GRM7: variants seen among roughly 807,000 people sequenced by gnomAD.
The protein encoded by GRM7 is glutamate metabotropic receptor 7.
In GRM7, 35 loss-of-function variants were observed where a neutral mutation model predicts 84.5. That is an observed-to-expected ratio of 0.41 (90% CI 0.32 to 0.55). The LOEUF (loss-of-function observed/expected upper bound fraction) is 0.55. GRM7 is among the 20% of genes least tolerant of loss of function. The probability of loss-of-function intolerance (pLI) is 0.19; values close to 1 mark genes in which losing one functional copy is unlikely to be tolerated. For synonymous variants in GRM7, 487 were observed against 455.1 expected, an observed-to-expected ratio of 1.07 and a Z score of -0.89; for missense variants, 1,003 against 1,194.6, an observed-to-expected ratio of 0.84 and a Z score of 2.36.
intron 5 of GRM7, among the ~76,000 whole-genome samples, chr3:7,438,139 C>T (rs1157388357): frequency 6.6e-6 from 1 of 151,792 alleles, no homozygotes; most frequent in Non-Finnish European, 1.5e-5. Context: ...AGTGGCATGG[C>T]CTAGTTTGCA....
At position 7,505,162 on chromosome 3, in the gene GRM7, G is replaced by C. The variant is rs1384560758; in HGVS notation, c.1515+43440G>C. The stretch of plus-strand genomic sequence containing the variant: ...AACAATATTATTCATTGAAGCTTCA[G>C]AATGATTTTTCACTCTGTGTTGCCT... On this transcript the variant is annotated intron_variant, in intron 7 of 9. Coordinates refer to ENST00000357716, the MANE Select transcript of GRM7 (RefSeq NM_000844.4). Among the ~76,000 whole-genome samples the C allele has an allele frequency of 2.0e-5, 3 of 152,334 alleles. No homozygotes were observed. In the East Asian group the frequency reaches 5.8e-4, roughly 29 times the overall value.
chr3:7,679,155 C>G (rs1025456075), intron 8 of GRM7, among the ~76,000 whole-genome samples: 1 of 151,852 alleles, frequency 6.6e-6, no homozygotes, highest in Non-Finnish European at 1.5e-5. Flanking sequence ...GATGGGCATG[C>G]TAAGAAGAAA....
At chr3:7,180,210 C>A (rs1349793197) in intron 2 of GRM7, among the ~76,000 whole-genome samples, 1 of 152,162 alleles carries the variant, frequency 6.6e-6, no homozygotes, top group Admixed American at 6.5e-5. Context: ...AATCTGGTGG[C>A]CACCACTTGC....
chr3:7,338,133 CA>C (rs1313091919), intron 4 of GRM7, among the ~76,000 whole-genome samples: 7 of 151,198 alleles, frequency 4.6e-5, no homozygotes, highest in African/African-American at 1.7e-4. Context: ...CACACACACA[CA>C]CACACACACC....
At chr3:7,090,590 A>T (rs939686301) in intron 1 of GRM7, among the ~76,000 whole-genome samples, 2 of 152,216 alleles carry the variant, frequency 1.3e-5, no homozygotes, top group African/African-American at 4.8e-5. Context: ...TTATTCTTAA[A>T]ATGTCAATAG....
At chr3:7,684,119 A>G (rs1308272683) in intron 9 of GRM7, among the ~76,000 whole-genome samples, 1 of 152,260 alleles carries the variant, frequency 6.6e-6, no homozygotes, top group African/African-American at 2.4e-5. Context: ...GAAAAATTCA[A>G]TTAATAAAAA....
At chr3:7,301,187 GTCTAAC>G (rs1359841491) in intron 3 of GRM7, among the ~76,000 whole-genome samples, 6 of 151,814 alleles carry the variant, frequency 4.0e-5, no homozygotes, top group Non-Finnish European at 5.9e-5. Flanking sequence ...TTATCTATCT[GTCTAAC>G]TTACGTCTCT....
chr3:7,180,436 A>G (rs1695297864), intron 2 of GRM7, among the ~76,000 whole-genome samples: 1 of 152,180 alleles, frequency 6.6e-6, no homozygotes, highest in African/African-American at 2.4e-5. Context: ...GCAGTATTAG[A>G]CTGGCTGCTT....
At chr3:7,738,105 T>G (rs1384949433) in intron 9 of GRM7, among the ~76,000 whole-genome samples, 1 of 152,100 alleles carries the variant, frequency 6.6e-6, no homozygotes, top group African/African-American at 2.4e-5. Flanking sequence ...CGTCTCGGCC[T>G]CCCAAAGTGC....
chr3:6,967,193 A>ATTTTTATT (rs1162551063), intron 1 of GRM7, among the ~76,000 whole-genome samples: 1 of 151,818 alleles, frequency 6.6e-6, no homozygotes, highest in East Asian at 1.9e-4. Flanking sequence ...ATTTTTATTT[A>ATTTTTATT]TTTTTATTTT....
chr3:7,543,773 A>G (rs1436233078), intron 7 of GRM7, among the ~76,000 whole-genome samples: 1 of 152,214 alleles, frequency 6.6e-6, no homozygotes, highest in Non-Finnish European at 1.5e-5. Context: ...ACCTGTAGCC[A>G]TGGTGAGCGC....
At chr3:6,945,716 C>T (rs181473831) in intron 1 of GRM7, among the ~76,000 whole-genome samples, 2,470 of 152,254 alleles carry the variant, frequency 0.016, 55 homozygotes, top group African/African-American at 0.055. Context: ...ACATCCTCTC[C>T]AGCACCTGTT....
chr3:7,074,398 C>T (rs1452363955), intron 1 of GRM7, among the ~76,000 whole-genome samples: 1 of 152,140 alleles, frequency 6.6e-6, no homozygotes, highest in African/African-American at 2.4e-5. Flanking sequence ...GTGGGCTGTG[C>T]TCTGTGCAAC....
chr3:7,039,199 T>A lies in GRM7; in HGVS notation c.520-107253T>A, dbSNP rs558407415. On this transcript the variant is annotated intron_variant, in intron 1 of 9. Coordinates refer to ENST00000357716, the MANE Select transcript of GRM7 (RefSeq NM_000844.4). ...CTTGCTGTTTCTTACAAGCCTGTGA[T>A]TGTGGAGTTTGCATGGTTCCTTTCA... Among the ~76,000 whole-genome samples, 264 of 152,286 alleles carry A rather than the reference T, an allele frequency of 1.7e-3. 2 individuals carry two copies. Among genetic ancestry groups the A allele is most frequent in the African/African-American group, 6.1e-3 (252 of 41,570 alleles).
At chr3:7,543,730 T>C (rs951093729) in intron 7 of GRM7, among the ~76,000 whole-genome samples, 4 of 152,188 alleles carry the variant, frequency 2.6e-5, no homozygotes, top group Admixed American at 6.5e-5. Flanking sequence ...ATTCTATAGA[T>C]AGACCTTTCC....
chr3:7,509,328 A>G (rs1700128036), intron 7 of GRM7, among the ~76,000 whole-genome samples: 1 of 152,162 alleles, frequency 6.6e-6, no homozygotes, highest in Non-Finnish European at 1.5e-5. Flanking sequence ...CTAATTTATA[A>G]ATTAAACTTC....
At chr3:7,093,645 C>G (rs1272282407) in intron 1 of GRM7, among the ~76,000 whole-genome samples, 3 of 129,772 alleles carry the variant, frequency 2.3e-5, no homozygotes, top group African/African-American at 8.9e-5. Context: ...CCACTGCACT[C>G]CAGCCTGGGC....
chr3:6,950,823 G>A (rs932333823), intron 1 of GRM7, among the ~76,000 whole-genome samples: 8 of 152,226 alleles, frequency 5.3e-5, no homozygotes, highest in Admixed American at 4.6e-4. Flanking sequence ...CTAGCAGTGA[G>A]CGAGGCTCCA....
chr3:7,437,714 G>T (rs535138533), intron 5 of GRM7, among the ~76,000 whole-genome samples: 9 of 150,228 alleles, frequency 6.0e-5, no homozygotes, highest in Non-Finnish European at 1.2e-4. Flanking sequence ...CTTTCTCTTC[G>T]TGTGTTCCCC....
Sources: allele counts gnomAD v4.1 joint callset (sites outside exome capture counted in the v4.1 genomes callset), GRCh38; gene constraint gnomAD v4.1.1; transcripts MANE v1.5; gene names NCBI Gene and HGNC (gene_info 2026-07-23, HGNC 2026-07-21).